The following ARL6IP4 variants were observed in gnomAD, a reference collection of about 807,000 sequenced individuals.
ARL6IP4 encodes the protein ARF like GTPase 6 interacting protein 4.
Under a neutral mutation model 28.1 loss-of-function variants are expected in ARL6IP4, and 24 were observed. The observed-to-expected ratio is 0.86, with a 90% CI of 0.62 to 1.20. The LOEUF is 1.20. Ranked by LOEUF, ARL6IP4 falls within the 50% of genes most tolerant of loss-of-function variation. The pLI is 0.00. For missense variants in ARL6IP4, 343 were observed against 302.4 expected (o/e 1.13, Z -1.00); for synonymous variants, 162 against 122.3 (o/e 1.32, Z -2.14).
chr12:122,982,892 A>AAG lies in ARL6IP4; in HGVS notation c.*217_*218dup. The stretch of plus-strand genomic sequence containing the variant: ...AAAGAGCAGCACTTCTCAGCTATTA[A>AAG]AGGCCCCCTGGATAGACTTTCTCTG... On this transcript the variant is annotated 3_prime_UTR_variant, in exon 6 of 6. Coordinates refer to ENST00000315580, the MANE Select transcript of ARL6IP4 (RefSeq NM_018694.4). The AAG allele has an allele frequency of 1.7e-6, 1 of 603,626 alleles. No homozygotes were observed. Among genetic ancestry groups the AAG allele is most frequent in the Non-Finnish European group, 2.9e-6 (1 of 339,950 alleles). The allele number at this position is 603,626 out of a possible 1,614,324, so 37.4% of individuals were successfully genotyped here. A position where few individuals can be genotyped will look rare whatever the true frequency, so the allele number is the denominator to read the frequency against.
At chr12:122,980,606 G>A (rs1393470896), upstream of ARL6IP4, 1 of 1,410,474 alleles carries the variant, frequency 7.1e-7, no homozygotes, top group Middle Eastern at 2.2e-4. Context: ...ACGGAACCTG[G>A]GGCGTCAGAA....
rs1236997364 is a variant in ARL6IP4, at chr12:122,982,242, C to CTGG, written c.587+169_587+171dup. 6 of 845,942 alleles carry CTGG rather than the reference C, an allele frequency of 7.1e-6. No homozygotes were observed. The African/African-American group carries it at 8.4e-5, about 12-fold the overall frequency. 52.4% of individuals were successfully genotyped at this position (845,942 alleles called of 1,614,324 possible). Reference sequence around the variant, plus strand: ...AAGTAGTTGCAGGGGCTGGAAGGGCCTGGAGGAGGCTCTTGAAAGGGCTGT... The same window carrying CTGG: ...AAGTAGTTGCAGGGGCTGGAAGGGCCTGGTGGAGGAGGCTCTTGAAAGGGCTGT... On this transcript the variant is annotated intron_variant, in intron 4 of 5. Transcript: ENST00000315580.
At chr12:122,980,947 A>G in intron 1 of ARL6IP4, 182 bp from the exon 2 acceptor site, 1 of 1,385,490 alleles carries the variant, frequency 7.2e-7, no homozygotes, top group Non-Finnish European at 9.3e-7. Context: ...CGCTGCGGGG[A>G]CTGGAGTCGG....
intron 2 of ARL6IP4, 69 bp downstream of exon 2, chr12:122,981,368 G>A: frequency 6.7e-7 from 1 of 1,491,202 alleles, no homozygotes; most frequent in Non-Finnish European, 9.0e-7. Context: ...AGCAGTGGTC[G>A]GGGACGCTCA....
chr12:122,981,183 G>A lies in ARL6IP4; in HGVS notation c.44G>A (p.Arg15Gln). ...CGCAAGCGCTCGAGGAGTCGCAGCC[G>A]GTCCCGGGGACGGGGGTCGGAAAAG... ...GSRKRSRSRS[R>Q]SRGRGSEKRK... is the part of the protein sequence containing the mutation. Residue 15 changes from arginine (R) to glutamine (Q), a missense_variant, in exon 2 of 6, where the codon CGG becomes CAG. Physicochemically the swap from Arg to Gln is conservative, Grantham distance 43. Coordinates refer to ENST00000315580, the MANE Select transcript of ARL6IP4 (RefSeq NM_018694.4). 1 of 1,549,644 alleles carries A rather than the reference G, an allele frequency of 6.5e-7. No individual in the cohort carries two copies. The highest frequency in any genetic ancestry group is 8.7e-7 in the Non-Finnish European group (1 of 1,146,664).
chr12:122,981,139 C>T lies in ARL6IP4; in HGVS notation c.-1C>T, dbSNP rs981100718. ...CTTCTTCGTCGCCAGCCCGCGGCGC[C>T]ATGGCTCACGTCGGCTCCCGCAAGC... On this transcript the variant is annotated 5_prime_UTR_variant, in exon 2 of 6. Coordinates refer to ENST00000315580, the MANE Select transcript of ARL6IP4 (RefSeq NM_018694.4). The T allele has an allele frequency of 3.2e-6, 5 of 1,548,196 alleles. No individual in the cohort carries two copies. The highest frequency in any genetic ancestry group is 4.4e-6 in the Non-Finnish European group (5 of 1,146,150).
At chr12:122,981,915 CGCTT>C in intron 3 of ARL6IP4, 36 bp downstream of exon 3, 1 of 1,613,518 alleles carries the variant, frequency 6.2e-7, no homozygotes. Flanking sequence ...GGGAGAAGGT[CGCTT>C]CCCAAGGCCT....
chr12:122,981,439 G>T (rs1171582092), intron 2 of ARL6IP4, 132 bp from the exon 3 acceptor site: 36 of 1,375,428 alleles, frequency 2.6e-5, no homozygotes, highest in Non-Finnish European at 3.5e-5. Context: ...GAGCCAGGAA[G>T]GGGCTCCTCT....
At position 122,981,652 on chromosome 12, in the gene ARL6IP4, C is replaced by G; in HGVS notation, c.242C>G (p.Ser81Cys). Residue 81 changes from serine (S) to cysteine (C), a missense_variant, in exon 3 of 6, where the codon TCC becomes TGC. Physicochemically the swap from Ser to Cys is moderately radical, Grantham distance 112 (BLOSUM62 -1). Coordinates refer to ENST00000315580, the MANE Select transcript of ARL6IP4 (RefSeq NM_018694.4). Reference sequence around the variant, plus strand: ...AGATCCAGCTCCTCCTCCTCTTCTTCCAGTTCTTCTAGCTCCTCTTCTTCC... The same window carrying G: ...AGATCCAGCTCCTCCTCCTCTTCTTGCAGTTCTTCTAGCTCCTCTTCTTCC... Reference protein sequence around the residue: ...RTRSSSSSSSSSSSSSSSSSS... With the variant: ...RTRSSSSSSSCSSSSSSSSSS... 1 of 1,557,784 alleles carries G rather than the reference C, an allele frequency of 6.4e-7. No individual in the cohort carries two copies. Among genetic ancestry groups the G allele is most frequent in the Non-Finnish European group, 8.7e-7 (1 of 1,151,204 alleles).
Position 122,980,725 on chromosome 12 carries a change from C to T in ARL6IP4, c.-32C>T. 3.0e-6 allele frequency: 4 copies of T among 1,324,028 alleles called. No homozygotes were observed. The highest frequency in any genetic ancestry group is 1.5e-5 in the African/African-American group (1 of 64,822). The allele number at this position is 1,324,028 out of a possible 1,614,324, so 82.0% of individuals were successfully genotyped here. A position where few individuals can be genotyped will look rare whatever the true frequency, so the allele number is the denominator to read the frequency against. On this transcript the variant is annotated 5_prime_UTR_variant, in exon 1 of 6. Transcript: ENST00000315580. ...CTCGAGAAGGCGCGGGGCGGGCTGTCCGGCCCGCAGGGCGGTCGAGGTGGG... is the reference window on the plus strand; with the variant it reads ...CTCGAGAAGGCGCGGGGCGGGCTGTTCGGCCCGCAGGGCGGTCGAGGTGGG...
chr12:122,980,726 CGGCCCGCAGGGCGGTCG>C lies in ARL6IP4; in HGVS notation c.-30_-14del, dbSNP rs2037605670. The C allele has an allele frequency of 1.7e-5, 23 of 1,323,766 alleles. No individual in the cohort carries two copies. The highest frequency in any genetic ancestry group is 3.1e-5 in the East Asian group (1 of 31,884). The allele number at this position is 1,323,766 out of a possible 1,614,324, so 82.0% of individuals were successfully genotyped here. A position where few individuals can be genotyped will look rare whatever the true frequency, so the allele number is the denominator to read the frequency against. On this transcript the variant is annotated splice_region_variant and 5_prime_UTR_variant, in exon 1 of 6. Transcript: ENST00000315580. ...TCGAGAAGGCGCGGGGCGGGCTGTC[CGGCCCGCAGGGCGGTCG>C]AGGTGGGAACGGAGCAGCCCCGGGG... is the stretch of plus-strand genomic sequence containing the variant.
chr12:122,980,421 GGC>G (rs1465930308), upstream of ARL6IP4: 2 of 1,364,790 alleles, frequency 1.5e-6, no homozygotes, highest in Admixed American at 3.1e-5. Flanking sequence ...GGAGGAGGGC[GGC>G]GCGCGCGAGG....
Position 122,981,783 on chromosome 12 carries a change from G to C in ARL6IP4, c.373G>C (p.Gly125Arg), listed in dbSNP as rs746399440. Residue 125 changes from glycine (G) to arginine (R), a missense_variant, in exon 3 of 6, where the codon GGC becomes CGC. Physicochemically the swap from Gly to Arg is moderately radical, Grantham distance 125. Transcript: ENST00000315580. Reference sequence around the variant, plus strand: ...GAAGAGGAAGAAGCTGAAGAAGAAGGGCAAGGAGAAGGCGGAAGCACAGCA... The same window carrying C: ...GAAGAGGAAGAAGCTGAAGAAGAAGCGCAAGGAGAAGGCGGAAGCACAGCA... The part of the protein sequence containing the change: ...KKKRKKLKKK[G>R]KEKAEAQQVE... 1.3e-6 allele frequency: 2 copies of C among 1,584,842 alleles called. No homozygotes were observed. The highest frequency in any genetic ancestry group is 1.7e-6 in the Non-Finnish European group (2 of 1,165,552).
chr12:122,981,927 C>G (rs2037688940), intron 3 of ARL6IP4, 30 bp from the exon 4 acceptor site: 1 of 1,613,630 alleles, frequency 6.2e-7, no homozygotes, highest in Admixed American at 1.7e-5. Flanking sequence ...CTTCCCAAGG[C>G]CTGGCCACCA....
rs776335289 is a variant in ARL6IP4 at position 122,982,000 on chromosome 12, C to T, written c.513C>T (p.Pro171=). ...AGTCCCGAATCCAGGCCATGAAGCC[C>T]ATGACCAAGGAGGAGTGGGATGCCC... ...EQKSRIQAMK[P]MTKEEWDARQ... is the part of the protein sequence containing the mutation. The change falls in exon 4 of 6, where the codon CCC becomes CCT. Residue 171 remains proline (P), a synonymous_variant. Coordinates refer to ENST00000315580, the MANE Select transcript of ARL6IP4 (RefSeq NM_018694.4). 5.0e-6 allele frequency: 8 copies of T among 1,613,618 alleles called. No homozygotes were observed. In the African/African-American group the frequency reaches 5.3e-5, roughly 11 times the overall value.
chr12:122,980,555 G>C (rs535334086), upstream of ARL6IP4: 4 of 1,353,640 alleles, frequency 3.0e-6, no homozygotes, highest in African/African-American at 3.0e-5. Context: ...CTCGAGGGCC[G>C]GCGCCCCTGC....
chr12:122,981,076 G>GCC, intron 1 of ARL6IP4, 53 bp from the exon 2 acceptor site: 1 of 1,505,816 alleles, frequency 6.6e-7, no homozygotes, highest in East Asian at 2.6e-5. Context: ...CTTGGAGCCC[G>GCC]CCCGCGGCCG....
chr12:122,982,174 C>A, intron 4 of ARL6IP4, 100 bp downstream of exon 4: 1 of 1,358,536 alleles, frequency 7.4e-7, no homozygotes, highest in Non-Finnish European at 1.0e-6. Flanking sequence ...TTCCTGGTGC[C>A]TGAAAAAGGC....
In ARL6IP4 at chr12:122,982,892, A is replaced by C; in HGVS notation, c.*216A>C. On this transcript the variant is annotated 3_prime_UTR_variant, in exon 6 of 6. Transcript: ENST00000315580. The stretch of plus-strand genomic sequence containing the variant: ...AAAGAGCAGCACTTCTCAGCTATTA[A>C]AGGCCCCCTGGATAGACTTTCTCTG... 1.7e-6 allele frequency: 1 copy of C among 603,626 alleles called. No individual in the cohort carries two copies. The highest frequency in any genetic ancestry group is 2.9e-6 in the Non-Finnish European group (1 of 339,950). The allele number at this position is 603,626 out of a possible 1,614,324, so 37.4% of individuals were successfully genotyped here.
Sources: gnomAD v4.1 joint callset for allele counts on GRCh38, gnomAD v4.1.1 for gene constraint, MANE v1.5 for transcripts, NCBI Gene and HGNC (gene_info 2026-07-23, HGNC 2026-07-21) for gene names.